The following PDE4D variants were observed in gnomAD, a reference collection of about 807,000 sequenced individuals.
The protein encoded by PDE4D is phosphodiesterase 4D.
A neutral mutation model predicts 87.4 loss-of-function variants in PDE4D; 24 were observed. The observed-to-expected ratio is 0.27, with a 90% CI of 0.20 to 0.39. The LOEUF (loss-of-function observed/expected upper bound fraction) is 0.39. Among genes scored for constraint, PDE4D ranks in the 10% least tolerant of loss-of-function variants. The probability of loss-of-function intolerance (pLI) is 1.00; values close to 1 mark genes in which losing one functional copy is unlikely to be tolerated. For missense variants in PDE4D, 714 were observed against 1,041.0 expected, an observed-to-expected ratio of 0.69 and a Z score of 4.32; for synonymous variants, 384 against 383.2, an observed-to-expected ratio of 1.00 and a Z score of -0.02.
At chr5:59,949,967 T>C (rs1012193155) in intron 3 of PDE4D, among the ~76,000 whole-genome samples, 2 of 152,242 alleles carry the variant, frequency 1.3e-5, no homozygotes, top group Admixed American at 6.5e-5. Flanking sequence ...TACATGTGAT[T>C]AATAAGCATT....
At chr5:60,443,329 T>C (rs1745390104) in intron 1 of PDE4D, among the ~76,000 whole-genome samples, 2 of 152,124 alleles carry the variant, frequency 1.3e-5, no homozygotes, top group South Asian at 4.1e-4. Flanking sequence ...ATTCAACTAG[T>C]AAAGTCAAGC....
intron 1 of PDE4D, chr5:59,768,680 G>A: frequency 4.1e-6 from 6 of 1,454,480 alleles, no homozygotes; most frequent in Non-Finnish European, 4.5e-6. Flanking sequence ...GGAGGCGAGC[G>A]CACTCCTCCG....
intron 5 of PDE4D, among the ~76,000 whole-genome samples, chr5:59,147,032 T>C (rs1778767068): frequency 1.3e-5 from 2 of 152,152 alleles, no homozygotes; most frequent in Admixed American, 1.3e-4. Context: ...TATTGTGAAC[T>C]GTGCATGCGA....
intron 1 of PDE4D, among the ~76,000 whole-genome samples, chr5:59,479,704 G>A (rs1803921105): frequency 6.6e-6 from 1 of 152,098 alleles, no homozygotes; most frequent in Non-Finnish European, 1.5e-5. Context: ...ATACATATAT[G>A]TGTATGAATA....
At chr5:59,410,949 A>G (rs1193006800) in intron 1 of PDE4D, among the ~76,000 whole-genome samples, 1 of 152,186 alleles carries the variant, frequency 6.6e-6, no homozygotes, top group African/African-American at 2.4e-5. Context: ...CAGTTGATAG[A>G]CTTTCATTTA....
At position 59,152,651 on chromosome 5, in the gene PDE4D, G is replaced by A. The variant is rs114715582; in HGVS notation, c.808+27944C>T. ...ACCTCTTTACTGTATTGACTAGGTCGTTTGATGGGATTAACTAAATTGACC... is the reference window on the plus strand; with the variant it reads ...ACCTCTTTACTGTATTGACTAGGTCATTTGATGGGATTAACTAAATTGACC... On this transcript the variant is annotated intron_variant, in intron 5 of 14. Coordinates refer to ENST00000340635, the MANE Select transcript of PDE4D (RefSeq NM_001104631.2). Among the ~76,000 whole-genome samples the A allele has an allele frequency of 3.8e-3, 580 of 152,076 alleles. 4 individuals are homozygous for A. The highest frequency in any genetic ancestry group is 0.013 in the African/African-American group (554 of 41,494).
intron 1 of PDE4D, among the ~76,000 whole-genome samples, chr5:60,513,815 T>C (rs1056655111): frequency 3.3e-5 from 5 of 152,034 alleles, no homozygotes; most frequent in East Asian, 1.9e-4. Context: ...TTGTGCCATA[T>C]AGCTAAATCC....
chr5:58,974,344 T>A lies in PDE4D; in HGVS notation c.*320A>T, dbSNP rs942166437. ...AAAGGAATAGAAACCCCAAGTCCAA[T>A]AAACTTTTGGGCTGCCTGATGAGTC... is the stretch of plus-strand genomic sequence containing the variant. On this transcript the variant is annotated 3_prime_UTR_variant, in exon 15 of 15. Transcript: ENST00000340635. 2 of 204,452 alleles carry A rather than the reference T, an allele frequency of 9.8e-6. No individual in the cohort carries two copies. Among genetic ancestry groups the A allele is most frequent in the African/African-American group, 2.3e-5 (1 of 43,546 alleles). 12.7% of individuals were successfully genotyped at this position (204,452 alleles called of 1,614,324 possible). A position where few individuals can be genotyped will look rare whatever the true frequency, so the allele number is the denominator to read the frequency against.
intron 2 of PDE4D, among the ~76,000 whole-genome samples, chr5:60,121,084 G>A (rs189546783): frequency 2.0e-4 from 30 of 152,170 alleles, no homozygotes; most frequent in Admixed American, 3.3e-4. Flanking sequence ...TGGACTCCAA[G>A]TTCAGTTTTG....
chr5:60,006,585 C>T (rs779523535), intron 2 of PDE4D, among the ~76,000 whole-genome samples: 9 of 151,782 alleles, frequency 5.9e-5, no homozygotes, highest in Non-Finnish European at 1.2e-4. Flanking sequence ...TCATAAATTG[C>T]TAAGTATTCC....
chr5:60,335,533 G>T (rs1665826305), intron 1 of PDE4D, among the ~76,000 whole-genome samples: 1 of 152,156 alleles, frequency 6.6e-6, no homozygotes, highest in Non-Finnish European at 1.5e-5. Context: ...ACAGGGCAAG[G>T]ATTCACAATT....
intron 2 of PDE4D, among the ~76,000 whole-genome samples, chr5:60,158,275 A>G (rs1782166961): frequency 6.6e-6 from 1 of 152,218 alleles, no homozygotes; most frequent in Non-Finnish European, 1.5e-5. Flanking sequence ...TGTTTCTCCT[A>G]GGCTATAAAC....
intron 1 of PDE4D, among the ~76,000 whole-genome samples, chr5:59,331,256 T>C (rs1037105619): frequency 1.2e-4 from 19 of 152,222 alleles, no homozygotes; most frequent in African/African-American, 4.6e-4. Flanking sequence ...TAGAAACTTA[T>C]GTTTTAAAAC....
In PDE4D at chr5:59,848,145, G is replaced by C. The variant is rs1744136806; in HGVS notation, c.455+45023C>G. ...CTAAAGCTATTTTTTTATTTTAAAA[G>C]CTTTAAAAAATAAGAGTCACTGGTC... On this transcript the variant is annotated intron_variant, in intron 1 of 14. Coordinates refer to ENST00000340635, the MANE Select transcript of PDE4D (RefSeq NM_001104631.2). Among the ~76,000 whole-genome samples the C allele has an allele frequency of 2.6e-5, 4 of 152,070 alleles. No homozygotes were observed. In the South Asian group the frequency reaches 8.3e-4, roughly 32 times the overall value.
At chr5:59,728,744 G>T (rs923615155) in intron 1 of PDE4D, among the ~76,000 whole-genome samples, 2 of 151,984 alleles carry the variant, frequency 1.3e-5, no homozygotes, top group African/African-American at 4.8e-5. Flanking sequence ...ATCCTCTATA[G>T]TTATAAAATG....
At chr5:59,347,912 G>T (rs970435262) in intron 1 of PDE4D, among the ~76,000 whole-genome samples, 3 of 152,106 alleles carry the variant, frequency 2.0e-5, no homozygotes, top group African/African-American at 7.2e-5. Flanking sequence ...GGATATGCTT[G>T]AACTTATATG....
intron 1 of PDE4D, among the ~76,000 whole-genome samples, chr5:59,607,267 A>G (rs995314413): frequency 6.6e-6 from 1 of 152,120 alleles, no homozygotes; most frequent in African/African-American, 2.4e-5. Flanking sequence ...CTGACATTTT[A>G]TCTTGTCTCC....
intron 1 of PDE4D, chr5:60,304,122 A>G (rs924032625): frequency 6.6e-6 from 1 of 152,166 alleles, no homozygotes; most frequent in Non-Finnish European, 1.5e-5. Flanking sequence ...GTGTTGTTCC[A>G]AGTTTAGTAT....
At position 59,565,728 on chromosome 5, in the gene PDE4D, GCT is replaced by G. The variant is rs545266148; in HGVS notation, c.455+327438_455+327439del. On this transcript the variant is annotated intron_variant, in intron 1 of 14. Coordinates refer to ENST00000340635, the MANE Select transcript of PDE4D (RefSeq NM_001104631.2). ...TGGGCAAGGAAGTCCCTGGACAGAT[GCT>G]CAGGATGATTACAGCTTCAGAATGC... 2.6e-3 allele frequency among the ~76,000 whole-genome samples: 390 copies of G among 152,352 alleles called. 4 individuals carry two copies. The highest frequency in any genetic ancestry group is 8.8e-3 in the Admixed American group (134 of 15,310).
Sources: gnomAD v4.1 joint callset for allele counts (sites outside exome capture counted in the v4.1 genomes callset) on GRCh38, gnomAD v4.1.1 for gene constraint, MANE v1.5 for transcripts, NCBI Gene and HGNC (gene_info 2026-07-23, HGNC 2026-07-21) for gene names.